Variants in PHYHIPL observed in about 807,000 individuals in gnomAD.
PHYHIPL encodes the protein phytanoyl-CoA hydroxylase-interacting protein-like.
In PHYHIPL, 9 loss-of-function variants were observed where a neutral mutation model predicts 33.4. That is an observed-to-expected ratio of 0.27 (90% CI 0.16 to 0.47). PHYHIPL has a LOEUF of 0.47. Among genes scored for constraint, PHYHIPL ranks in the 20% least tolerant of loss-of-function variants. The probability of loss-of-function intolerance (pLI) is 0.99; values close to 1 mark genes in which losing one functional copy is unlikely to be tolerated. For synonymous variants in PHYHIPL, 153 were observed against 154.1 expected (o/e 0.99, Z 0.05); for missense variants, 365 against 460.7 (o/e 0.79, Z 1.90).
chr10:59,227,666 C>T (rs1181237429), intron 1 of PHYHIPL, among the ~76,000 whole-genome samples: 5 of 152,064 alleles, frequency 3.3e-5, no homozygotes, highest in African/African-American at 4.8e-5. Flanking sequence ...GTAAAGCAAA[C>T]ATTTGAGACA....
intron 1 of PHYHIPL, chr10:59,183,583 C>T: frequency 2.2e-6 from 2 of 890,368 alleles, no homozygotes; most frequent in Non-Finnish European, 2.7e-6. Context: ...GTGGTCACAT[C>T]CAACTTTAAA....
intron 1 of PHYHIPL, among the ~76,000 whole-genome samples, chr10:59,182,006 ATTTC>A (rs1189794883): frequency 6.6e-5 from 10 of 152,206 alleles, no homozygotes; most frequent in African/African-American, 2.2e-4. Flanking sequence ...CTCTACTGAT[ATTTC>A]TTCCTAAATT....
chr10:59,177,584 C>G, intron 1 of PHYHIPL: 1 of 1,551,598 alleles, frequency 6.4e-7, no homozygotes, highest in Non-Finnish European at 8.7e-7. Context: ...AAATATTGGC[C>G]TAATATATGT....
chr10:59,185,077 G>A (rs1191065598), intron 1 of PHYHIPL, among the ~76,000 whole-genome samples: 6 of 134,730 alleles, frequency 4.5e-5, no homozygotes, highest in Non-Finnish European at 9.2e-5. Context: ...TGCAAGCTCC[G>A]CCTCCCAGGT....
chr10:59,234,093 T>A (rs1840158511), intron 1 of PHYHIPL, among the ~76,000 whole-genome samples: 1 of 151,838 alleles, frequency 6.6e-6, no homozygotes, highest in Non-Finnish European at 1.5e-5. Flanking sequence ...AACCTAACCA[T>A]ATAAAACTAA....
At chr10:59,236,390 T>A in intron 2 of PHYHIPL, 93 bp from the exon 3 acceptor site, 5 of 545,626 alleles carry the variant, frequency 9.2e-6, no homozygotes, top group Non-Finnish European at 1.4e-5. Flanking sequence ...CCTTCCCTCC[T>A]TCCTCCCTTC....
At chr10:59,220,354 G>T (rs957588760) in intron 1 of PHYHIPL, among the ~76,000 whole-genome samples, 20 of 152,048 alleles carry the variant, frequency 1.3e-4, no homozygotes, top group African/African-American at 4.1e-4. Context: ...TGTGTTACAT[G>T]TCGGTGAGAC....
At chr10:59,224,840 G>C (rs372332763) in intron 1 of PHYHIPL, among the ~76,000 whole-genome samples, 4 of 152,000 alleles carry the variant, frequency 2.6e-5, no homozygotes, top group Admixed American at 6.6e-5. Context: ...TGAATGAAAA[G>C]ATTGAGAAAT....
At chr10:59,222,433 C>A (rs1055319280) in intron 1 of PHYHIPL, among the ~76,000 whole-genome samples, 2 of 151,402 alleles carry the variant, frequency 1.3e-5, no homozygotes, top group Non-Finnish European at 2.9e-5. Context: ...AAATGAGAGA[C>A]CTGTGGAAAG....
chr10:59,240,215 G>A (rs11591615), intron 4 of PHYHIPL, among the ~76,000 whole-genome samples: 1,581 of 152,072 alleles, frequency 0.01, 10 homozygotes, highest in Non-Finnish European at 0.019. Flanking sequence ...AATTTAGAGA[G>A]TACAGACTGA....
chr10:59,242,850 G>A (rs940300290), intron 4 of PHYHIPL, among the ~76,000 whole-genome samples: 3 of 152,154 alleles, frequency 2.0e-5, no homozygotes, highest in East Asian at 1.9e-4. Flanking sequence ...TAGAAATTAC[G>A]CAAATTGAAC....
intron 1 of PHYHIPL, among the ~76,000 whole-genome samples, chr10:59,208,319 T>C (rs1200894458): frequency 2.6e-5 from 4 of 152,166 alleles, no homozygotes; most frequent in African/African-American, 9.7e-5. Context: ...CGAGCAGACC[T>C]GCAGCTGCGG....
intron 1 of PHYHIPL, among the ~76,000 whole-genome samples, chr10:59,201,767 A>G (rs1839125745): frequency 6.6e-6 from 1 of 152,184 alleles, no homozygotes; most frequent in African/African-American, 2.4e-5. Flanking sequence ...CTTACTAATG[A>G]TTTATCATAA....
At chr10:59,219,143 T>C in intron 1 of PHYHIPL, 2 of 427,598 alleles carry the variant, frequency 4.7e-6, no homozygotes, top group Non-Finnish European at 6.3e-6. Flanking sequence ...ATATTCTAGG[T>C]ATTTTGAGAG....
chr10:59,218,250 A>G (rs755904254), intron 1 of PHYHIPL, among the ~76,000 whole-genome samples: 2 of 152,184 alleles, frequency 1.3e-5, no homozygotes, highest in Non-Finnish European at 2.9e-5. Context: ...TACAAAATGA[A>G]GTACTAGGAA....
At chr10:59,196,239 T>C (rs1015375362) in intron 1 of PHYHIPL, among the ~76,000 whole-genome samples, 1 of 151,966 alleles carries the variant, frequency 6.6e-6, no homozygotes, top group Non-Finnish European at 1.5e-5. Flanking sequence ...TATTCATATA[T>C]TTTTAGTAAA....
chr10:59,245,795 T>C lies in PHYHIPL; in HGVS notation c.*204T>C, dbSNP rs74794973. On this transcript the variant is annotated 3_prime_UTR_variant, in exon 5 of 5. Transcript: ENST00000373880. Reference sequence around the variant, plus strand: ...CTACCCCTCCCACTACTTTCAATGATGAAATACCCTAAGTTAAGTTCTCCT... The same window carrying C: ...CTACCCCTCCCACTACTTTCAATGACGAAATACCCTAAGTTAAGTTCTCCT... 1,752 of 543,672 alleles carry C rather than the reference T, an allele frequency of 3.2e-3. 37 individuals carry two copies. Among genetic ancestry groups the C allele is most frequent in the African/African-American group, 0.03 (1,604 of 52,692 alleles). The allele number at this position is 543,672 out of a possible 1,614,324, so 33.7% of individuals were successfully genotyped here.
At chr10:59,178,428 GATT>G (rs1343828387) in intron 1 of PHYHIPL, among the ~76,000 whole-genome samples, 1 of 152,068 alleles carries the variant, frequency 6.6e-6, no homozygotes, top group Non-Finnish European at 1.5e-5. Flanking sequence ...AGACTGTAAA[GATT>G]ATTTTTAATA....
intron 1 of PHYHIPL, among the ~76,000 whole-genome samples, chr10:59,202,191 T>C (rs1260912783): frequency 1.3e-5 from 2 of 152,036 alleles, no homozygotes; most frequent in African/African-American, 4.8e-5. Flanking sequence ...TAGTTTAAAA[T>C]ATTATCCCAA....
Sources: allele counts gnomAD v4.1 joint callset (sites outside exome capture counted in the v4.1 genomes callset), GRCh38; gene constraint gnomAD v4.1.1; transcripts MANE v1.5; gene names NCBI Gene and HGNC (gene_info 2026-07-23, HGNC 2026-07-21).